Variants in KIAA0825 observed in about 807,000 individuals in gnomAD.
KIAA0825 encodes uncharacterized protein KIAA0825.
Under a neutral mutation model 147.6 loss-of-function variants are expected in KIAA0825, and 119 were observed. The observed-to-expected ratio is 0.81, with a 90% CI of 0.69 to 0.94. The LOEUF (loss-of-function observed/expected upper bound fraction) is 0.94, where lower values mean the gene tolerates loss of function less well. Among genes scored for constraint, KIAA0825 ranks in the 40% least tolerant of loss-of-function variants. KIAA0825 has a pLI of 0.00. For missense variants in KIAA0825, 1,381 were observed against 1,472.7 expected, an observed-to-expected ratio of 0.94 and a Z score of 1.02; for synonymous variants, 470 against 518.1, an observed-to-expected ratio of 0.91 and a Z score of 1.26.
chr5:94,269,939 T>G (rs1415222549), intron 20 of KIAA0825, among the ~76,000 whole-genome samples: 1 of 151,776 alleles, frequency 6.6e-6, no homozygotes. Context: ...CCCAAATAAA[T>G]ACATTCAGAA....
chr5:94,588,686 C>T lies in KIAA0825; in HGVS notation c.-152-6103G>A, dbSNP rs1783777923. Among the ~76,000 whole-genome samples the T allele has an allele frequency of 2.6e-5, 4 of 152,092 alleles. No individual in the cohort carries two copies. The South Asian group carries it at 8.3e-4, about 32-fold the overall frequency. On this transcript the variant is annotated intron_variant, in intron 1 of 20. Coordinates refer to ENST00000682413, the MANE Select transcript of KIAA0825 (RefSeq NM_001145678.3). The stretch of plus-strand genomic sequence containing the variant: ...CATTTTACCCAGTAATCCCATTACT[C>T]CGTATATACCCAAAGGATTATAAAT...
At chr5:94,305,941 T>C (rs1025589128) in intron 20 of KIAA0825, among the ~76,000 whole-genome samples, 5 of 151,992 alleles carry the variant, frequency 3.3e-5, no homozygotes, top group Admixed American at 2.6e-4. Context: ...ATGAAAATTA[T>C]AGTACACTTA....
chr5:94,466,337 G>A (rs1466695428), intron 10 of KIAA0825, among the ~76,000 whole-genome samples: 2 of 152,072 alleles, frequency 1.3e-5, no homozygotes, highest in African/African-American at 4.8e-5. Flanking sequence ...TATTCCTTGG[G>A]TAAGAAACTT....
intron 20 of KIAA0825, among the ~76,000 whole-genome samples, chr5:94,357,813 T>C (rs1744492643): frequency 6.6e-6 from 1 of 152,080 alleles, no homozygotes; most frequent in Non-Finnish European, 1.5e-5. Context: ...CAATATGTCA[T>C]TTTCTAGACA....
chr5:94,577,523 C>T (rs1402747031), intron 2 of KIAA0825, among the ~76,000 whole-genome samples: 2 of 152,212 alleles, frequency 1.3e-5, no homozygotes, highest in African/African-American at 2.4e-5. Flanking sequence ...CATCCCAGAC[C>T]TAGTGAATTA....
intron 20 of KIAA0825, among the ~76,000 whole-genome samples, chr5:94,205,917 C>T (rs773319511): frequency 2.6e-5 from 4 of 151,850 alleles, no homozygotes; most frequent in African/African-American, 9.7e-5. Flanking sequence ...GTTTTTTTTC[C>T]GATATAAAGG....
In KIAA0825 at chr5:94,465,058, C is replaced by G. The variant is rs1267862189; in HGVS notation, c.1874G>C (p.Gly625Ala). Residue 625 changes from glycine to alanine, a missense_variant and splice_region_variant, in exon 11 of 21, where the codon GGG becomes GCG. Coordinates refer to ENST00000682413, the MANE Select transcript of KIAA0825 (RefSeq NM_001145678.3). ...HWDDYKAFYE[G>A]ERCSFSIQMW... ...CTGGATCGAGAAGGAACATCTTTCC[C>G]CCTGGCAAAGCCAGCACACGTTAAA... 5 of 1,550,778 alleles carry G rather than the reference C, an allele frequency of 3.2e-6. No homozygotes were observed. Among genetic ancestry groups the G allele is most frequent in the Middle Eastern group, 1.7e-4 (1 of 5,990 alleles).
intron 16 of KIAA0825, 42 bp downstream of exon 16, chr5:94,403,527 T>C: frequency 1.4e-6 from 2 of 1,456,434 alleles, no homozygotes; most frequent in Non-Finnish European, 1.9e-6. Flanking sequence ...AGAAAATTGC[T>C]TCTTCAGGTG....
intron 6 of KIAA0825, among the ~76,000 whole-genome samples, chr5:94,480,725 A>G (rs1261027263): frequency 6.6e-6 from 1 of 152,118 alleles, no homozygotes; most frequent in African/African-American, 2.4e-5. Context: ...GACTAAGGAA[A>G]AAAAGAAGCT....
chr5:94,444,671 G>T (rs73145006), intron 13 of KIAA0825, among the ~76,000 whole-genome samples: 3,503 of 152,152 alleles, frequency 0.023, 158 homozygotes, highest in African/African-American at 0.081. Context: ...TGCAGATTCA[G>T]AAATATCTGC....
intron 20 of KIAA0825, among the ~76,000 whole-genome samples, chr5:94,367,778 C>T (rs112099356): frequency 1.3e-5 from 2 of 152,308 alleles, no homozygotes; most frequent in East Asian, 1.9e-4. Context: ...CCCTTTGATA[C>T]TTGGTAATTT....
At chr5:94,408,455 T>G (rs576152908) in intron 15 of KIAA0825, among the ~76,000 whole-genome samples, 4 of 152,236 alleles carry the variant, frequency 2.6e-5, no homozygotes, top group African/African-American at 7.2e-5. Context: ...GTTCAAGCAA[T>G]TCTGCCTCAG....
intron 2 of KIAA0825, among the ~76,000 whole-genome samples, chr5:94,551,262 G>T (rs1280956969): frequency 3.3e-5 from 5 of 151,888 alleles, no homozygotes; most frequent in Admixed American, 3.3e-4. Context: ...GTTCCAGAAG[G>T]AAAAGAGAAG....
chr5:94,318,616 T>C (rs1378689989), intron 20 of KIAA0825, among the ~76,000 whole-genome samples: 1 of 151,916 alleles, frequency 6.6e-6, no homozygotes, highest in Non-Finnish European at 1.5e-5. Flanking sequence ...GTCTGAGCTC[T>C]GAGAGCACAG....
intron 1 of KIAA0825, chr5:94,618,168 A>C (rs1791089994): frequency 6.6e-6 from 1 of 152,274 alleles, no homozygotes; most frequent in African/African-American, 2.4e-5. Flanking sequence ...AAACGCTGCC[A>C]ATGGGAGATA....
At position 94,460,523 on chromosome 5, in the gene KIAA0825, C is replaced by T. The variant is rs867509765; in HGVS notation, c.2246+1864G>A. Among the ~76,000 whole-genome samples the T allele has an allele frequency of 7.2e-5, 11 of 152,152 alleles. No homozygotes were observed. The South Asian group carries it at 2.3e-3, about 32-fold the overall frequency. On this transcript the variant is annotated intron_variant, in intron 12 of 20. Transcript: ENST00000682413. ...TAAAAGGGCATATCACATAGAGTGA[C>T]AAATGTCAGATACAGTTTATAAAAA...
intron 19 of KIAA0825, 126 bp downstream of exon 19, chr5:94,386,116 T>C (rs1328297291): frequency 1.1e-5 from 8 of 758,182 alleles, no homozygotes; most frequent in Non-Finnish European, 1.3e-5. Flanking sequence ...ACCATGTAAA[T>C]AAGAACAAGG....
chr5:94,353,997 T>C (rs936415359), intron 20 of KIAA0825, among the ~76,000 whole-genome samples: 1 of 152,238 alleles, frequency 6.6e-6, no homozygotes, highest in African/African-American at 2.4e-5. Context: ...AGATGTGATA[T>C]AATTTTTAGT....
At chr5:94,242,997 C>T (rs1775430948) in intron 20 of KIAA0825, among the ~76,000 whole-genome samples, 1 of 152,044 alleles carries the variant, frequency 6.6e-6, no homozygotes. Flanking sequence ...TTTCTGTTTC[C>T]TTTGTCATAA....
Sources: allele counts gnomAD v4.1 joint callset (sites outside exome capture counted in the v4.1 genomes callset), GRCh38; gene constraint gnomAD v4.1.1; transcripts MANE v1.5; gene names NCBI Gene and HGNC (gene_info 2026-07-23, HGNC 2026-07-21).